The following PDE5A variants were observed in gnomAD, a reference collection of about 807,000 sequenced individuals.
PDE5A encodes cGMP-specific 3',5'-cyclic phosphodiesterase.
PDE5A carries 67 observed loss-of-function variants against 110.2 expected under a neutral mutation model. That is an observed-to-expected ratio of 0.61 (90% confidence interval 0.50 to 0.75). The LOEUF (loss-of-function observed/expected upper bound fraction) is 0.75, where lower values mean the gene tolerates loss of function less well. PDE5A is among the 30% of genes least tolerant of loss of function. The pLI, the probability that PDE5A is intolerant of heterozygous loss-of-function variation, is 0.00. For missense variants in PDE5A, 862 were observed against 1,045.1 expected (o/e 0.82, Z 2.42); for synonymous variants, 328 against 351.2 (o/e 0.93, Z 0.74).
intron 1 of PDE5A, among the ~76,000 whole-genome samples, chr4:119,612,047 GA>G (rs1364082148): frequency 6.6e-6 from 1 of 152,148 alleles, no homozygotes; most frequent in Non-Finnish European, 1.5e-5. Flanking sequence ...CCTGCAAATT[GA>G]AATTAAAATT....
chr4:119,518,915 A>T, intron 14 of PDE5A, 130 bp downstream of exon 14: 7 of 598,540 alleles, frequency 1.2e-5, no homozygotes, highest in Admixed American at 6.2e-5. Context: ...TATTTTTTCC[A>T]TTTCCTTTAA....
intron 3 of PDE5A, among the ~76,000 whole-genome samples, chr4:119,590,333 T>G (rs1728922723): frequency 6.6e-6 from 1 of 152,194 alleles, no homozygotes; most frequent in East Asian, 1.9e-4. Context: ...TCCAAACTCC[T>G]ACCCCATACT....
chr4:119,507,668 ATTC>A lies in PDE5A; in HGVS notation c.2122_2124del (p.Glu708del). 6.3e-7 allele frequency: 1 copy of A among 1,589,832 alleles called. No homozygotes were observed. The highest frequency in any genetic ancestry group is 8.5e-7 in the Non-Finnish European group (1 of 1,172,040). ...TTGATTATTTTCAACGTGGTCTTAT[ATTC>A]TTCAATGGAGAGGCCACTGAGAATC... On this transcript the variant is annotated inframe_deletion, in exon 16 of 21. Coordinates refer to ENST00000354960, the MANE Select transcript of PDE5A (RefSeq NM_001083.4).
At chr4:119,575,392 A>G (rs1007894756) in intron 3 of PDE5A, among the ~76,000 whole-genome samples, 8 of 152,222 alleles carry the variant, frequency 5.3e-5, no homozygotes, top group South Asian at 2.1e-4. Flanking sequence ...TGTCAGATTC[A>G]CCGAAGTTAA....
At chr4:119,547,447 T>C (rs967227739) in intron 9 of PDE5A, among the ~76,000 whole-genome samples, 1 of 151,972 alleles carries the variant, frequency 6.6e-6, no homozygotes, top group Non-Finnish European at 1.5e-5. Flanking sequence ...ACTTTCTTTC[T>C]TCTCATGTAT....
At chr4:119,600,560 T>C (rs1363098472) in intron 2 of PDE5A, among the ~76,000 whole-genome samples, 7 of 152,060 alleles carry the variant, frequency 4.6e-5, no homozygotes, top group African/African-American at 1.7e-4. Flanking sequence ...TCAAACATTC[T>C]GATTAGCCAG....
chr4:119,627,180 A>C lies in PDE5A; in HGVS notation c.152+1340T>G, dbSNP rs781023711. 9.3e-6 allele frequency: 15 copies of C among 1,612,800 alleles called. No individual in the cohort carries two copies. Among genetic ancestry groups the C allele is most frequent in the Non-Finnish European group, 1.3e-5 (15 of 1,179,386 alleles). On this transcript the variant is annotated intron_variant, in intron 1 of 20. Coordinates refer to ENST00000354960, the MANE Select transcript of PDE5A (RefSeq NM_001083.4). This position sits in a 1 kb window ranked among gnomAD's most constrained non-coding sequence, Gnocchi z 4.6. ...TTTGTCTCCAAAGGGCAACATAGCAAACGTGGGAAGTTCGTTTTCGAACTC... is the reference window on the plus strand; with the variant it reads ...TTTGTCTCCAAAGGGCAACATAGCACACGTGGGAAGTTCGTTTTCGAACTC...
intron 16 of PDE5A, 74 bp from the exon 17 acceptor site, chr4:119,506,006 A>C: frequency 2.8e-6 from 2 of 720,934 alleles, no homozygotes; most frequent in South Asian, 4.7e-5. Flanking sequence ...ACAAAGACTC[A>C]TGGACTAAAT....
At chr4:119,579,271 G>T (rs79027312) in intron 3 of PDE5A, among the ~76,000 whole-genome samples, 36,404 of 152,030 alleles carry the variant, frequency 0.24, 4,789 homozygotes, top group East Asian at 0.38. Context: ...CATTGTGGAA[G>T]TCAGTGTGGC....
At chr4:119,553,256 C>A (rs1727420786) in intron 8 of PDE5A, among the ~76,000 whole-genome samples, 1 of 152,078 alleles carries the variant, frequency 6.6e-6, no homozygotes, top group Admixed American at 6.6e-5. Context: ...TTTCCCAGAG[C>A]TACTCACTAT....
At position 119,626,919 on chromosome 4, in the gene PDE5A, A is replaced by AAAAACAAAAC. The variant is rs3839163; in HGVS notation, c.152+1591_152+1600dup. 3.3e-3 allele frequency among the ~76,000 whole-genome samples: 503 copies of AAAAACAAAAC among 151,298 alleles called. 1 individual carries two copies. The highest frequency in any genetic ancestry group is 5.9e-3 in the African/African-American group (242 of 41,160). The stretch of plus-strand genomic sequence containing the variant: ...ACCAACTCTGGATGTTCCTTAGGAA[A>AAAAACAAAAC]AAAACAAAACAAAACAAAACAAAAC... On this transcript the variant is annotated intron_variant, in intron 1 of 20. Coordinates refer to ENST00000354960, the MANE Select transcript of PDE5A (RefSeq NM_001083.4).
Position 119,627,066 on chromosome 4 carries a change from C to A in PDE5A, c.152+1454G>T. ...TGATACATCGTCCCACTGGTGCCAC[C>A]GGGGCGCCACCACCCAGCACCCGAG... is the stretch of plus-strand genomic sequence containing the variant. On this transcript the variant is annotated intron_variant, in intron 1 of 20. Coordinates refer to ENST00000354960, the MANE Select transcript of PDE5A (RefSeq NM_001083.4). The surrounding 1 kb of genome is among the most constrained non-coding windows in gnomAD (Gnocchi z 4.6). 4.0e-6 allele frequency: 6 copies of A among 1,507,742 alleles called. No homozygotes were observed. The highest frequency in any genetic ancestry group is 5.5e-6 in the Non-Finnish European group (6 of 1,095,548). The allele number at this position is 1,507,742 out of a possible 1,614,324, so 93.4% of individuals were successfully genotyped here. A position where few individuals can be genotyped will look rare whatever the true frequency, so the allele number is the denominator to read the frequency against.
chr4:119,502,705 T>G (rs772911016), intron 18 of PDE5A, 50 bp from the exon 19 acceptor site: 1 of 1,217,896 alleles, frequency 8.2e-7, no homozygotes, highest in Non-Finnish European at 1.2e-6. Context: ...ATATCATTCT[T>G]TAAAACAGAG....
At chr4:119,516,737 C>T (rs894833825) in intron 14 of PDE5A, among the ~76,000 whole-genome samples, 1 of 152,182 alleles carries the variant, frequency 6.6e-6, no homozygotes, top group African/African-American at 2.4e-5. Flanking sequence ...CCTGCCTCAG[C>T]CTTCCAAGTA....
In PDE5A at chr4:119,542,650, A is replaced by C; in HGVS notation, c.1397-16T>G. On this transcript the variant is annotated splice_polypyrimidine_tract_variant and intron_variant, in intron 9 of 20. Transcript: ENST00000354960. ...TGGCAAACCCCTATAACAATCCGAGAAATTGAGCAAATGTTATTGTTGATT... is the reference window on the plus strand; with the variant it reads ...TGGCAAACCCCTATAACAATCCGAGCAATTGAGCAAATGTTATTGTTGATT... 5 of 1,605,296 alleles carry C rather than the reference A, an allele frequency of 3.1e-6. No homozygotes were observed. The highest frequency in any genetic ancestry group is 1.3e-5 in the African/African-American group (1 of 74,826).
At chr4:119,623,717 C>A (rs1229303268) in intron 1 of PDE5A, among the ~76,000 whole-genome samples, 4 of 152,130 alleles carry the variant, frequency 2.6e-5, no homozygotes, top group Non-Finnish European at 5.9e-5. Context: ...AAAATTTCCT[C>A]ATCTTGAGGT....
intron 2 of PDE5A, among the ~76,000 whole-genome samples, chr4:119,598,875 A>C (rs1729244653): frequency 6.6e-6 from 1 of 152,286 alleles, no homozygotes; most frequent in South Asian, 2.1e-4. Context: ...AGCAGTGACC[A>C]AAAGATACTG....
intron 15 of PDE5A, among the ~76,000 whole-genome samples, chr4:119,509,810 G>A (rs745491862): frequency 1.8e-4 from 28 of 151,994 alleles, no homozygotes; most frequent in Non-Finnish European, 2.8e-4. Context: ...TGAGGGAGGC[G>A]TGAGAGTGTG....
Position 119,538,992 on chromosome 4 carries a change from CT to C in PDE5A, c.1599del (p.Glu534ArgfsTer10). 6.2e-7 allele frequency: 1 copy of C among 1,612,946 alleles called. No homozygotes were observed. Among genetic ancestry groups the C allele is most frequent in the Non-Finnish European group, 8.5e-7 (1 of 1,179,134 alleles). On this transcript the variant is annotated frameshift_variant, in exon 11 of 21. Coordinates refer to ENST00000354960, the MANE Select transcript of PDE5A (RefSeq NM_001083.4). LOFTEE classifies it high-confidence loss of function. Reference protein sequence around the residue: ...LEVLSYHASAAEEETRELQSL... With the variant: ...LEVLSYHASAXEEETRELQSL... ...GACTGTAGCTCTCTTGTTTCTTCCT[CT>C]GCTGCTGAAGCATGATACGACAGAA...
Sources: allele counts gnomAD v4.1 joint callset (sites outside exome capture counted in the v4.1 genomes callset), GRCh38; gene constraint gnomAD v4.1.1; non-coding constraint Gnocchi (gnomAD v3.1); transcripts MANE v1.5; gene names NCBI Gene and HGNC (gene_info 2026-07-23, HGNC 2026-07-21).